The following CMSS1 variants were observed in gnomAD, a reference collection of about 807,000 sequenced individuals.
CMSS1 encodes the protein protein CMSS1.
Under a neutral mutation model 43.5 loss-of-function variants are expected in CMSS1, and 33 were observed. That is an observed-to-expected ratio of 0.76 (90% CI 0.57 to 1.01). The LOEUF (loss-of-function observed/expected upper bound fraction) is 1.01, where lower values mean the gene tolerates loss of function less well. Ranked by LOEUF, CMSS1 falls within the 50% of genes least tolerant of loss-of-function variation. CMSS1 has a pLI of 0.00. For synonymous variants in CMSS1, 115 were observed against 117.2 expected (o/e 0.98, Z 0.12); for missense variants, 313 against 326.4 (o/e 0.96, Z 0.32).
At chr3:100,022,513 A>G (rs770834682) in intron 1 of CMSS1, among the ~76,000 whole-genome samples, 1 of 152,208 alleles carries the variant, frequency 6.6e-6, no homozygotes, top group East Asian at 1.9e-4. Flanking sequence ...AATCACACAT[A>G]TATCTTATAT....
At chr3:99,941,807 A>G (rs1277752768) in intron 1 of CMSS1, among the ~76,000 whole-genome samples, 2 of 152,234 alleles carry the variant, frequency 1.3e-5, no homozygotes, top group African/African-American at 2.4e-5. Context: ...TTTATCTATT[A>G]TATTGTTTTC....
At chr3:100,115,143 G>A in intron 1 of CMSS1, 1 of 612,398 alleles carries the variant, frequency 1.6e-6, no homozygotes, top group Non-Finnish European at 2.9e-6. Context: ...GGATAGAAGG[G>A]AGGAGTTTGT....
At chr3:100,111,003 C>T (rs1418506148) in intron 1 of CMSS1, among the ~76,000 whole-genome samples, 1 of 152,120 alleles carries the variant, frequency 6.6e-6, no homozygotes, top group Non-Finnish European at 1.5e-5. Context: ...AATCTTATTA[C>T]TCAGAATAAT....
chr3:100,105,794 C>A (rs1488042205), intron 1 of CMSS1, among the ~76,000 whole-genome samples: 1 of 152,288 alleles, frequency 6.6e-6, no homozygotes, highest in South Asian at 2.1e-4. Context: ...TCTTCCTTCT[C>A]CAAATAGCAT....
chr3:99,903,897 A>G lies in CMSS1; in HGVS notation c.64+85854A>G, dbSNP rs147991960. On this transcript the variant is annotated intron_variant, in intron 1 of 9. Transcript: ENST00000421999. ...CCTGCTGCTTCATTTAATGGTACTCATTTGTCCTAAATAAAAAACTCTTCA... is the reference window on the plus strand; with the variant it reads ...CCTGCTGCTTCATTTAATGGTACTCGTTTGTCCTAAATAAAAAACTCTTCA... Among the ~76,000 whole-genome samples the G allele has an allele frequency of 3.8e-3, 577 of 152,284 alleles. 3 individuals are homozygous for G. The highest frequency in any genetic ancestry group is 0.013 in the African/African-American group (550 of 41,562).
chr3:100,115,690 C>A (rs1393651120), intron 1 of CMSS1, among the ~76,000 whole-genome samples: 2 of 141,086 alleles, frequency 1.4e-5, no homozygotes, highest in Non-Finnish European at 3.1e-5. Context: ...ATATTTTTTT[C>A]TGAATTAATT....
intron 1 of CMSS1, among the ~76,000 whole-genome samples, chr3:100,132,247 TA>T (rs2066714716): frequency 6.6e-6 from 1 of 151,654 alleles, no homozygotes; most frequent in African/African-American, 2.4e-5. Flanking sequence ...TAAAAAAGTT[TA>T]AAAAATTGGC....
intron 1 of CMSS1, among the ~76,000 whole-genome samples, chr3:100,126,650 T>G (rs1273640288): frequency 2.0e-5 from 3 of 152,208 alleles, no homozygotes; most frequent in Admixed American, 6.5e-5. Flanking sequence ...TTAAATTTTT[T>G]TCTAGAATAA....
chr3:100,169,754 G>A (rs185937416), intron 6 of CMSS1, among the ~76,000 whole-genome samples: 19 of 152,252 alleles, frequency 1.2e-4, no homozygotes, highest in Middle Eastern at 6.8e-3. Flanking sequence ...TGTACTTGCC[G>A]GTCCTGAAAT....
chr3:100,154,787 A>G (rs145334783), intron 2 of CMSS1, among the ~76,000 whole-genome samples: 89 of 152,218 alleles, frequency 5.8e-4, no homozygotes, highest in Admixed American at 1.9e-3. Flanking sequence ...AGCCTGGCCA[A>G]TGTGGTGAAA....
intron 1 of CMSS1, among the ~76,000 whole-genome samples, chr3:99,977,432 G>A (rs562693116): frequency 1.3e-5 from 2 of 152,078 alleles, no homozygotes; most frequent in African/African-American, 4.8e-5. Context: ...GTATGCTGGG[G>A]GCCTATGGGC....
intron 1 of CMSS1, among the ~76,000 whole-genome samples, chr3:99,831,515 C>T (rs1390216687): frequency 6.6e-6 from 1 of 152,212 alleles, no homozygotes; most frequent in African/African-American, 2.4e-5. Context: ...CAGGACATTT[C>T]TGTGAACAAC....
intron 1 of CMSS1, chr3:100,051,337 A>G (rs951196307): frequency 3.9e-5 from 6 of 152,032 alleles, no homozygotes; most frequent in South Asian, 2.1e-4. Context: ...ATTTAATAAT[A>G]TAAACCAATG....
At chr3:100,071,494 T>G (rs1376403802) in intron 1 of CMSS1, among the ~76,000 whole-genome samples, 2 of 152,092 alleles carry the variant, frequency 1.3e-5, no homozygotes, top group African/African-American at 4.8e-5. Flanking sequence ...TTCAAAGCAT[T>G]CACTAAAATT....
chr3:100,145,559 C>T (rs568741958), intron 1 of CMSS1, among the ~76,000 whole-genome samples: 121 of 152,206 alleles, frequency 7.9e-4, no homozygotes, highest in Non-Finnish European at 1.6e-3. Context: ...ATTATGGAGG[C>T]TAGCCAGCCC....
chr3:100,148,624 A>G (rs1475375522), intron 2 of CMSS1, among the ~76,000 whole-genome samples: 1 of 152,162 alleles, frequency 6.6e-6, no homozygotes, highest in Admixed American at 6.5e-5. Context: ...CTTCTTGGTA[A>G]ATGATAACAA....
intron 1 of CMSS1, among the ~76,000 whole-genome samples, chr3:99,918,283 T>G (rs1707017568): frequency 6.6e-6 from 1 of 152,124 alleles, no homozygotes; most frequent in South Asian, 2.1e-4. Flanking sequence ...GCCCCTTGTT[T>G]TATATACCAG....
rs145116813 is a variant in CMSS1 at position 99,922,947 on chromosome 3, C to T, written c.64+104904C>T. Among the ~76,000 whole-genome samples the T allele has an allele frequency of 1.1e-4, 16 of 152,238 alleles. No individual in the cohort carries two copies. The East Asian group carries it at 3.1e-3, about 29-fold the overall frequency. On this transcript the variant is annotated intron_variant, in intron 1 of 9. Coordinates refer to ENST00000421999, the MANE Select transcript of CMSS1 (RefSeq NM_032359.4). ...TATTGAAATGGCTCATTAAGTTCCTCAGTATTTTCTTCATTGCCAAATCCT... is the reference window on the plus strand; with the variant it reads ...TATTGAAATGGCTCATTAAGTTCCTTAGTATTTTCTTCATTGCCAAATCCT...
At chr3:99,949,498 A>T (rs1177315993) in intron 1 of CMSS1, among the ~76,000 whole-genome samples, 1 of 152,228 alleles carries the variant, frequency 6.6e-6, no homozygotes, top group Non-Finnish European at 1.5e-5. Context: ...CCCACCTTTC[A>T]ACAGGCAATT....
Sources: gnomAD v4.1 joint callset for allele counts (sites outside exome capture counted in the v4.1 genomes callset) on GRCh38, gnomAD v4.1.1 for gene constraint, MANE v1.5 for transcripts, NCBI Gene and HGNC (gene_info 2026-07-23, HGNC 2026-07-21) for gene names.